Variants in LIN54 observed in about 807,000 individuals in gnomAD.
LIN54 encodes protein lin-54 homolog.
LIN54 carries 9 observed loss-of-function variants against 78.7 expected under a neutral mutation model. That is an observed-to-expected ratio of 0.11 (90% confidence interval 0.07 to 0.20). LIN54 has a LOEUF of 0.20. Among genes scored for constraint, LIN54 ranks in the 10% least tolerant of loss-of-function variants. LIN54 has a pLI of 1.00. For missense variants in LIN54, 573 were observed against 889.9 expected (o/e 0.64, Z 4.53); for synonymous variants, 269 against 318.4 (o/e 0.84, Z 1.65).
At chr4:82,967,559 T>C (rs1332180643) in intron 4 of LIN54, among the ~76,000 whole-genome samples, 1 of 152,216 alleles carries the variant, frequency 6.6e-6, no homozygotes, top group Admixed American at 6.5e-5. Context: ...GCCAAAGCCA[T>C]GTACCTTCTG....
intron 11 of LIN54, among the ~76,000 whole-genome samples, chr4:82,931,660 A>T (rs769562266): frequency 6.6e-6 from 1 of 152,202 alleles, no homozygotes; most frequent in Non-Finnish European, 1.5e-5. Flanking sequence ...TCAATAACCC[A>T]TATGAAACTA....
intron 4 of LIN54, among the ~76,000 whole-genome samples, chr4:82,958,297 C>A (rs1354120449): frequency 6.6e-6 from 1 of 152,184 alleles, no homozygotes; most frequent in African/African-American, 2.4e-5. Context: ...TCCATATTCT[C>A]TTCTGCTTCC....
chr4:82,933,207 G>A (rs1185778773), intron 11 of LIN54, among the ~76,000 whole-genome samples: 2 of 150,864 alleles, frequency 1.3e-5, no homozygotes, highest in Non-Finnish European at 3.0e-5. Context: ...TCAGAGTGGG[G>A]AAAACATACC....
chr4:83,010,465 G>C lies in LIN54; in HGVS notation c.-33+19C>G. ...GATCTCCGGACAGAGAAGCCCTCGGGTACCCCATCCTCCTCTACCTCCAGC... is the reference window on the plus strand; with the variant it reads ...GATCTCCGGACAGAGAAGCCCTCGGCTACCCCATCCTCCTCTACCTCCAGC... On this transcript the variant is annotated intron_variant, in intron 1 of 12. Coordinates refer to ENST00000340417, the MANE Select transcript of LIN54 (RefSeq NM_194282.4). 9.1e-7 allele frequency: 1 copy of C among 1,101,420 alleles called. No homozygotes were observed. Among genetic ancestry groups the C allele is most frequent in the Non-Finnish European group, 1.1e-6 (1 of 904,298 alleles). The allele number at this position is 1,101,420 out of a possible 1,614,324, so 68.2% of individuals were successfully genotyped here. A position where few individuals can be genotyped will look rare whatever the true frequency, so the allele number is the denominator to read the frequency against.
At chr4:82,935,267 TATATATATTTATATATTTATA>T (rs1011168835) in intron 11 of LIN54, among the ~76,000 whole-genome samples, 3 of 147,940 alleles carry the variant, frequency 2.0e-5, no homozygotes, top group Admixed American at 1.4e-4. Flanking sequence ...TCCATATATA[TATATATATTTATATATTTATA>T]ATATATATTT....
At chr4:83,010,370 T>TC (rs5859846) in intron 1 of LIN54, 114 bp downstream of exon 1, 58,518 of 349,726 alleles carry the variant, frequency 0.17, 9,091 homozygotes, top group African/African-American at 0.39. Context: ...TTCTTCGCAC[T>TC]CCGGACAAGT....
At chr4:83,008,627 G>A (rs1038803397) in intron 1 of LIN54, among the ~76,000 whole-genome samples, 2 of 152,034 alleles carry the variant, frequency 1.3e-5, no homozygotes, top group South Asian at 4.1e-4. Flanking sequence ...ACTCTAGCCT[G>A]CGCCACTGCA....
At position 82,984,305 on chromosome 4, in the gene LIN54, C is replaced by T. The variant is rs764707192; in HGVS notation, c.540G>A (p.Pro180=). 1.9e-5 allele frequency: 31 copies of T among 1,613,944 alleles called. No individual in the cohort carries two copies. Among genetic ancestry groups the T allele is most frequent in the African/African-American group, 2.7e-5 (2 of 74,882 alleles). ...QAQSGDAKLP[P]QQIKVVTIGG... Reference sequence around the variant, plus strand: ...CAATGGTAACTACTTTAATTTGCTGCGGTGGTAACTTAGCATCTCCTGACT... The same window carrying T: ...CAATGGTAACTACTTTAATTTGCTGTGGTGGTAACTTAGCATCTCCTGACT... The change falls in exon 2 of 13, where the codon CCG becomes CCA. Residue 180 remains proline, a synonymous_variant. Coordinates refer to ENST00000340417, the MANE Select transcript of LIN54 (RefSeq NM_194282.4).
Position 82,984,199 on chromosome 4 carries a change from G to T in LIN54, c.646C>A (p.Pro216Thr). Reference protein sequence around the residue: ...GSQLINTTTQPSVLQTQQLKT... With the variant: ...GSQLINTTTQTSVLQTQQLKT... Reference sequence around the variant, plus strand: ...AACTGTTGGGTCTGTAACACAGAGGGCTGAGTTGTAGTATTAATCAGTTGA... The same window carrying T: ...AACTGTTGGGTCTGTAACACAGAGGTCTGAGTTGTAGTATTAATCAGTTGA... Residue 216 changes from proline (P) to threonine (T), a missense_variant, in exon 2 of 13, where the codon CCC becomes ACC. Physicochemically the swap from Pro to Thr is conservative, Grantham distance 38. Coordinates refer to ENST00000340417, the MANE Select transcript of LIN54 (RefSeq NM_194282.4). 7 of 1,613,850 alleles carry T rather than the reference G, an allele frequency of 4.3e-6. No homozygotes were observed. The highest frequency in any genetic ancestry group is 5.9e-6 in the Non-Finnish European group (7 of 1,179,892).
chr4:82,953,726 G>A (rs538417952), intron 4 of LIN54, among the ~76,000 whole-genome samples: 2 of 152,340 alleles, frequency 1.3e-5, no homozygotes, highest in Admixed American at 6.5e-5. Flanking sequence ...GAGGTGAGCA[G>A]ATCACTTGAG....
At chr4:83,001,491 G>T (rs910245097) in intron 1 of LIN54, among the ~76,000 whole-genome samples, 1 of 151,840 alleles carries the variant, frequency 6.6e-6, no homozygotes, top group Admixed American at 6.6e-5. Context: ...TCAAGGATGC[G>T]GTGAGCTATG....
At chr4:82,935,910 G>T in intron 11 of LIN54, 71 bp downstream of exon 11, 1 of 1,460,502 alleles carries the variant, frequency 6.8e-7, no homozygotes, top group Non-Finnish European at 9.6e-7. Flanking sequence ...CAATTTTCAA[G>T]TAAATTTTTG....
chr4:82,928,047 T>C lies in LIN54; in HGVS notation c.*55A>G. The C allele has an allele frequency of 7.0e-7, 1 of 1,434,470 alleles. No individual in the cohort carries two copies. The highest frequency in any genetic ancestry group is 9.8e-7 in the Non-Finnish European group (1 of 1,017,046). 88.9% of individuals were successfully genotyped at this position (1,434,470 alleles called of 1,614,324 possible). On this transcript the variant is annotated 3_prime_UTR_variant, in exon 13 of 13. Transcript: ENST00000340417. ...TGTTTTTCTTCCAGAAAATCAAGTGTCCCTGCACCTTAAATTTTCTGTACA... is the reference window on the plus strand; with the variant it reads ...TGTTTTTCTTCCAGAAAATCAAGTGCCCCTGCACCTTAAATTTTCTGTACA...
chr4:82,990,506 CAG>C, intron 1 of LIN54, among the ~76,000 whole-genome samples: 3 of 151,248 alleles, frequency 2.0e-5, no homozygotes, highest in Admixed American at 2.0e-4. Flanking sequence ...TTTTCTGAGA[CAG>C]AGTCTCACTC....
At chr4:82,937,406 T>C (rs1722477867) in intron 8 of LIN54, 108 bp from the exon 9 acceptor site, 6 of 630,500 alleles carry the variant, frequency 9.5e-6, no homozygotes, top group Non-Finnish European at 1.6e-5. Flanking sequence ...TAAAACTAAT[T>C]TAAAATTAGA....
intron 2 of LIN54, among the ~76,000 whole-genome samples, chr4:82,981,402 C>T (rs1244814825): frequency 6.6e-6 from 1 of 152,104 alleles, no homozygotes; most frequent in Non-Finnish European, 1.5e-5. Flanking sequence ...AGATGGCCTC[C>T]ATCTTCCACC....
chr4:82,947,302 G>A (rs1265981737), intron 4 of LIN54, among the ~76,000 whole-genome samples: 1 of 133,938 alleles, frequency 7.5e-6, no homozygotes, highest in Non-Finnish European at 1.5e-5. Context: ...GTGCAATAAC[G>A]GCTCACTGCA....
chr4:82,996,019 C>T (rs982463979), intron 1 of LIN54, among the ~76,000 whole-genome samples: 7 of 151,912 alleles, frequency 4.6e-5, no homozygotes, highest in African/African-American at 1.7e-4. Context: ...GTGGCTCATG[C>T]CTGTAATCCC....
chr4:82,989,050 CG>C (rs1727435804), intron 1 of LIN54, among the ~76,000 whole-genome samples: 1 of 151,724 alleles, frequency 6.6e-6, no homozygotes. Flanking sequence ...TAGCCAGGCG[CG>C]GTGGTGGGTG....
Sources: gnomAD v4.1 joint callset for allele counts (sites outside exome capture counted in the v4.1 genomes callset) on GRCh38, gnomAD v4.1.1 for gene constraint, MANE v1.5 for transcripts, NCBI Gene and HGNC (gene_info 2026-07-23, HGNC 2026-07-21) for gene names.